Variants in LRMDA observed in about 807,000 individuals in gnomAD.
The protein encoded by LRMDA is leucine-rich melanocyte differentiation-associated protein.
LRMDA carries 18 observed loss-of-function variants against 29.8 expected under a neutral mutation model. That is an observed-to-expected ratio of 0.60 (90% CI 0.42 to 0.90). LRMDA has a LOEUF of 0.90. Among genes scored for constraint, LRMDA ranks in the 40% least tolerant of loss-of-function variants. The pLI, the probability that LRMDA is intolerant of heterozygous loss-of-function variation, is 0.00. For synonymous variants in LRMDA, 125 were observed against 109.4 expected, an observed-to-expected ratio of 1.14 and a Z score of -0.89; for missense variants, 273 against 273.9, an observed-to-expected ratio of 1.00 and a Z score of 0.02.
At chr10:75,534,068 A>G (rs915529945) in intron 2 of LRMDA, among the ~76,000 whole-genome samples, 1 of 152,182 alleles carries the variant, frequency 6.6e-6, no homozygotes, top group Non-Finnish European at 1.5e-5. Flanking sequence ...TCTCTTGGCC[A>G]TTCCTGGCAT....
At chr10:76,212,517 T>C (rs1048051749) in intron 5 of LRMDA, among the ~76,000 whole-genome samples, 2 of 151,990 alleles carry the variant, frequency 1.3e-5, no homozygotes, top group African/African-American at 2.4e-5. Context: ...CACACCCCAA[T>C]AAAAGTATGA....
intron 2 of LRMDA, among the ~76,000 whole-genome samples, chr10:75,466,248 AT>A (rs1380639064): frequency 1.3e-5 from 2 of 152,154 alleles, no homozygotes; most frequent in African/African-American, 2.4e-5. Flanking sequence ...AGCCTGGGAG[AT>A]TGCAAAAGGT....
intron 6 of LRMDA, among the ~76,000 whole-genome samples, chr10:76,485,498 A>G (rs1842772519): frequency 6.6e-6 from 1 of 151,968 alleles, no homozygotes; most frequent in South Asian, 2.1e-4. Context: ...ATCACCGAAT[A>G]CAGTGCTACT....
intron 6 of LRMDA, among the ~76,000 whole-genome samples, chr10:76,427,479 C>T (rs1299921116): frequency 6.6e-6 from 1 of 152,164 alleles, no homozygotes; most frequent in African/African-American, 2.4e-5. Flanking sequence ...GCTGAAGTTG[C>T]TTATCAGCTT....
chr10:75,852,740 ATCAGTAGGCGGTAGC>A, intron 2 of LRMDA, among the ~76,000 whole-genome samples: 1 of 152,258 alleles, frequency 6.6e-6, no homozygotes. Context: ...GAAGACAGAC[ATCAGTAGGCGGTAGC>A]TCCTGAGACT....
At chr10:75,495,098 C>A (rs1589160179) in intron 2 of LRMDA, among the ~76,000 whole-genome samples, 1 of 152,294 alleles carries the variant, frequency 6.6e-6, no homozygotes, top group Middle Eastern at 3.4e-3. Context: ...CAGTCTTTTA[C>A]CTGGGTGGCA....
chr10:76,223,603 C>T (rs1449408280), intron 5 of LRMDA, among the ~76,000 whole-genome samples: 1 of 152,136 alleles, frequency 6.6e-6, no homozygotes, highest in Non-Finnish European at 1.5e-5. Flanking sequence ...AATGCCCTTA[C>T]CTGTGGGCTC....
chr10:76,153,427 C>T (rs779536190), intron 5 of LRMDA, among the ~76,000 whole-genome samples: 16 of 152,102 alleles, frequency 1.1e-4, no homozygotes, highest in Non-Finnish European at 2.1e-4. Context: ...CCTGTGTGCT[C>T]CTCTAAGAAT....
intron 2 of LRMDA, among the ~76,000 whole-genome samples, chr10:75,692,338 T>G (rs1423395350): frequency 6.8e-6 from 1 of 147,860 alleles, no homozygotes; most frequent in Non-Finnish European, 1.5e-5. Flanking sequence ...TATATATGTA[T>G]ATGTATTGAT....
chr10:75,809,923 G>A (rs1038017904), intron 2 of LRMDA, among the ~76,000 whole-genome samples: 1 of 152,210 alleles, frequency 6.6e-6, no homozygotes, highest in Admixed American at 6.5e-5. Flanking sequence ...ATTTTATGGT[G>A]AGTGGTGGCA....
chr10:76,123,294 C>T (rs1440314031), intron 5 of LRMDA, among the ~76,000 whole-genome samples: 1 of 150,488 alleles, frequency 6.6e-6, no homozygotes, highest in Non-Finnish European at 1.5e-5. Flanking sequence ...AGATTGAGCC[C>T]AGGAGTTTGA....
chr10:76,096,202 A>T (rs1849309457), intron 5 of LRMDA, among the ~76,000 whole-genome samples: 1 of 152,194 alleles, frequency 6.6e-6, no homozygotes, highest in African/African-American at 2.4e-5. Context: ...CTAATAAAAG[A>T]TTATAAAGAT....
intron 2 of LRMDA, among the ~76,000 whole-genome samples, chr10:75,807,633 C>T (rs867810035): frequency 6.6e-6 from 1 of 152,206 alleles, no homozygotes; most frequent in African/African-American, 2.4e-5. Context: ...TTCAGCTTGA[C>T]GAACAGTGGC....
At chr10:75,646,109 G>GAATA (rs746849658) in intron 2 of LRMDA, among the ~76,000 whole-genome samples, 21 of 148,328 alleles carry the variant, frequency 1.4e-4, no homozygotes, top group East Asian at 4.0e-4. Context: ...TTTTCCTATG[G>GAATA]AATAAATAAA....
intron 2 of LRMDA, among the ~76,000 whole-genome samples, chr10:75,804,882 C>T (rs987140105): frequency 6.6e-5 from 10 of 152,148 alleles, no homozygotes; most frequent in African/African-American, 2.4e-4. Context: ...CCTGCGTTGA[C>T]ATGGCGGGTT....
At chr10:76,090,886 T>C (rs1849220014) in intron 5 of LRMDA, among the ~76,000 whole-genome samples, 1 of 152,190 alleles carries the variant, frequency 6.6e-6, no homozygotes, top group African/African-American at 2.4e-5. Context: ...TACAGAGTTT[T>C]GGTTTTGGAA....
intron 5 of LRMDA, among the ~76,000 whole-genome samples, chr10:76,081,696 A>G (rs536224307): frequency 8.5e-5 from 13 of 152,334 alleles, no homozygotes; most frequent in African/African-American, 2.9e-4. Context: ...TAAACTGAGT[A>G]AAACTTATAA....
intron 2 of LRMDA, among the ~76,000 whole-genome samples, chr10:75,482,855 T>C (rs1844868986): frequency 6.6e-6 from 1 of 152,232 alleles, no homozygotes; most frequent in Non-Finnish European, 1.5e-5. Flanking sequence ...AATAGAGTGG[T>C]GTGAATCATG....
At chr10:75,695,691 A>G (rs1449059755) in intron 2 of LRMDA, among the ~76,000 whole-genome samples, 2 of 152,196 alleles carry the variant, frequency 1.3e-5, no homozygotes, top group Non-Finnish European at 2.9e-5. Context: ...TCTGTGTCTT[A>G]GCCTGTAATA....
Sources: allele counts gnomAD v4.1 joint callset (sites outside exome capture counted in the v4.1 genomes callset), GRCh38; gene constraint gnomAD v4.1.1; transcripts MANE v1.5; gene names NCBI Gene and HGNC (gene_info 2026-07-23, HGNC 2026-07-21).